The following SPTB variants were observed in gnomAD, a reference collection of about 807,000 sequenced individuals.
SPTB encodes the protein spectrin beta, erythrocytic.
A neutral mutation model predicts 256.2 loss-of-function variants in SPTB; 45 were observed. That is an observed-to-expected ratio of 0.18 (90% CI 0.14 to 0.23). SPTB has a LOEUF of 0.23. Ranked by LOEUF, SPTB falls within the 10% of genes least tolerant of loss-of-function variation. The probability of loss-of-function intolerance (pLI) is 1.00; values close to 1 mark genes in which losing one functional copy is unlikely to be tolerated. For synonymous variants in SPTB, 1,231 were observed against 1,243.1 expected (o/e 0.99, Z 0.21); for missense variants, 2,715 against 3,040.4 (o/e 0.89, Z 2.52).
At position 64,852,389 on chromosome 14, in the gene SPTB, C is replaced by T. The variant is rs907203845; in HGVS notation, c.-52+27403G>A. ...AGGCTGGGGGCCAGACAAGGGGAAC[C>T]TGAGCAGTGGGGAGTCAGTGAAGGG... On this transcript the variant is annotated intron_variant, in intron 1 of 35. Transcript: ENST00000644917. The surrounding 1 kb of genome is among the most constrained non-coding windows in gnomAD (Gnocchi z 4.2). Among the ~76,000 whole-genome samples, 1 of 152,110 alleles carries T rather than the reference C, an allele frequency of 6.6e-6. No homozygotes were observed. The highest frequency in any genetic ancestry group is 2.4e-5 in the African/African-American group (1 of 41,404).
At chr14:64,832,959 C>T (rs1400143446) in intron 1 of SPTB, among the ~76,000 whole-genome samples, 4 of 152,322 alleles carry the variant, frequency 2.6e-5, no homozygotes, top group Non-Finnish European at 5.9e-5. Context: ...AATACAAAGA[C>T]GACATCACTT....
At chr14:64,776,792 G>A (rs1390667685) in intron 22 of SPTB, among the ~76,000 whole-genome samples, 1 of 152,144 alleles carries the variant, frequency 6.6e-6, no homozygotes, top group Non-Finnish European at 1.5e-5. Flanking sequence ...TATCTGTGCA[G>A]GGTACTTACA....
chr14:64,755,162 C>T (rs2082003113), intron 32 of SPTB: 1 of 152,292 alleles, frequency 6.6e-6, no homozygotes, highest in Admixed American at 6.5e-5. Context: ...GGGAAGGAGC[C>T]AGGAGAGAGC....
rs746553902 is a variant in SPTB at position 64,767,316 on chromosome 14, C to T, written c.6256G>A (p.Ala2086Thr). 1.1e-5 allele frequency: 17 copies of T among 1,614,006 alleles called. No homozygotes were observed. The East Asian group carries it at 1.1e-4, about 11-fold the overall frequency. ...LKERQIAERP[A>T]EETGPQEEEG... ...GCCACCACTCACCCAGTCTCCTCTG[C>T]GGGTCTCTCTGCAATCTGGCGTTCT... Residue 2086 changes from alanine to threonine, a missense_variant, in exon 31 of 36, where the codon GCA becomes ACA. By Grantham distance (58) the Ala-to-Thr change is moderately conservative. Transcript: ENST00000644917.
At chr14:64,828,499 C>T (rs2083406476) in intron 1 of SPTB, among the ~76,000 whole-genome samples, 2 of 152,200 alleles carry the variant, frequency 1.3e-5, no homozygotes, top group South Asian at 4.1e-4. Flanking sequence ...AGATGATACT[C>T]ATATACATAT....
intron 1 of SPTB, among the ~76,000 whole-genome samples, chr14:64,862,479 C>G (rs1228365106): frequency 6.6e-6 from 1 of 151,494 alleles, no homozygotes; most frequent in Non-Finnish European, 1.5e-5. Context: ...GCAGTGAGAC[C>G]CCATCTCTGT....
In SPTB at chr14:64,816,994, A is replaced by G. The variant is rs2139680682; in HGVS notation, c.148+5953T>C. Among the ~76,000 whole-genome samples the G allele has an allele frequency of 6.6e-6, 1 of 152,368 alleles. No individual in the cohort carries two copies. The highest frequency in any genetic ancestry group is 1.9e-4 in the East Asian group (1 of 5,188). On this transcript the variant is annotated intron_variant, in intron 2 of 35. Coordinates refer to ENST00000644917, the MANE Select transcript of SPTB (RefSeq NM_001355436.2). This position sits in a 1 kb window ranked among gnomAD's most constrained non-coding sequence, Gnocchi z 4.2. The stretch of plus-strand genomic sequence containing the variant: ...AGACTGCACTGCCCGGGGAGAGAAC[A>G]GAGTCTTATTATTAACCTCAGTGTA...
intron 25 of SPTB, 58 bp from the exon 26 acceptor site, chr14:64,773,012 C>T: frequency 2.1e-5 from 33 of 1,580,806 alleles, no homozygotes; most frequent in Non-Finnish European, 2.7e-5. Flanking sequence ...ACAGGTGTCA[C>T]CAGCTTAGCC....
In SPTB at chr14:64,797,723, T is replaced by G. The variant is rs747998533; in HGVS notation, c.1182+6A>C. ...TGTCAATGCATAACGGAAAATGCTG[T>G]GGTACCCTGTTGATGTCAGACACTA... On this transcript the variant is annotated splice_donor_region_variant and intron_variant, in intron 10 of 35. Coordinates refer to ENST00000644917, the MANE Select transcript of SPTB (RefSeq NM_001355436.2). 3 of 1,594,928 alleles carry G rather than the reference T, an allele frequency of 1.9e-6. No individual in the cohort carries two copies. The African/African-American group carries it at 4.0e-5, about 21-fold the overall frequency.
chr14:64,828,969 T>G lies in SPTB; in HGVS notation c.-51-5824A>C, dbSNP rs574638846. Among the ~76,000 whole-genome samples, 4 of 152,288 alleles carry G rather than the reference T, an allele frequency of 2.6e-5. No homozygotes were observed. The East Asian group carries it at 7.7e-4, about 29-fold the overall frequency. ...AATGTAATAACTGATTCAGAAAAGA[T>G]TTTAAAAACCCATCAGATAATGGGT... is the stretch of plus-strand genomic sequence containing the variant. On this transcript the variant is annotated intron_variant, in intron 1 of 35. Transcript: ENST00000644917.
chr14:64,867,232 G>A (rs1882239850), intron 1 of SPTB, among the ~76,000 whole-genome samples: 1 of 152,058 alleles, frequency 6.6e-6, no homozygotes, highest in Non-Finnish European at 1.5e-5. Flanking sequence ...TCTTCTATAG[G>A]TCATTAATTT....
chr14:64,867,859 CAAAAA>C (rs35825614), intron 1 of SPTB, among the ~76,000 whole-genome samples: 2,446 of 123,186 alleles, frequency 0.02, 17 homozygotes, highest in South Asian at 0.059. Flanking sequence ...GACTCTGTCT[CAAAAA>C]AAAAAAAAAA....
At chr14:64,771,156 T>G in intron 26 of SPTB, 27 bp from the exon 27 acceptor site, 1 of 1,611,836 alleles carries the variant, frequency 6.2e-7, no homozygotes, top group Non-Finnish European at 8.5e-7. Flanking sequence ...TCAGACATTG[T>G]TCCCTGGACA....
chr14:64,794,408 G>A, intron 13 of SPTB, 59 bp downstream of exon 13: 2 of 1,598,384 alleles, frequency 1.3e-6, no homozygotes, highest in Admixed American at 1.7e-5. Context: ...TGGGTTGTTA[G>A]GCCAGAGGTG....
At chr14:64,787,881 G>A (rs2082601733) in intron 15 of SPTB, among the ~76,000 whole-genome samples, 1 of 152,204 alleles carries the variant, frequency 6.6e-6, no homozygotes, top group African/African-American at 2.4e-5. Flanking sequence ...AGACCACTAG[G>A]GACACTGCCC....
chr14:64,824,311 G>A lies in SPTB; in HGVS notation c.-51-1166C>T, dbSNP rs1191672864. Among the ~76,000 whole-genome samples, 1 of 152,142 alleles carries A rather than the reference G, an allele frequency of 6.6e-6. No homozygotes were observed. Among genetic ancestry groups the A allele is most frequent in the Non-Finnish European group, 1.5e-5 (1 of 68,026 alleles). On this transcript the variant is annotated intron_variant, in intron 1 of 35. Coordinates refer to ENST00000644917, the MANE Select transcript of SPTB (RefSeq NM_001355436.2). This position sits in a 1 kb window ranked among gnomAD's most constrained non-coding sequence, Gnocchi z 5.7. ...AGAGTCCAAGCAAAGGGAATAAAGAGTAGGTGTAAAGTCCTGAAGGTAAGA... is the reference window on the plus strand; with the variant it reads ...AGAGTCCAAGCAAAGGGAATAAAGAATAGGTGTAAAGTCCTGAAGGTAAGA...
Position 64,845,603 on chromosome 14 carries a change from C to G in SPTB, c.-51-22458G>C, listed in dbSNP as rs1360251456. On this transcript the variant is annotated intron_variant, in intron 1 of 35. Coordinates refer to ENST00000644917, the MANE Select transcript of SPTB (RefSeq NM_001355436.2). This position sits in a 1 kb window ranked among gnomAD's most constrained non-coding sequence, Gnocchi z 4.8. Reference sequence around the variant, plus strand: ...ACTATAGGACTGTAGAGATGAAAAGCAAAAGGTTGTGACACCAGTATCAGG... The same window carrying G: ...ACTATAGGACTGTAGAGATGAAAAGGAAAAGGTTGTGACACCAGTATCAGG... Among the ~76,000 whole-genome samples the G allele has an allele frequency of 6.6e-6, 1 of 152,162 alleles. No individual in the cohort carries two copies. Among genetic ancestry groups the G allele is most frequent in the African/African-American group, 2.4e-5 (1 of 41,428 alleles).
intron 2 of SPTB, among the ~76,000 whole-genome samples, chr14:64,810,507 C>A (rs2083068093): frequency 6.6e-6 from 1 of 152,126 alleles, no homozygotes; most frequent in African/African-American, 2.4e-5. Flanking sequence ...TGATGAAACG[C>A]CGTCTCTACT....
intron 2 of SPTB, among the ~76,000 whole-genome samples, chr14:64,810,478 G>A (rs1397884192): frequency 2.0e-5 from 3 of 152,172 alleles, no homozygotes; most frequent in African/African-American, 4.8e-5. Flanking sequence ...TCAGGAGTTC[G>A]AGATCAGCCT....
Sources: gnomAD v4.1 joint callset for allele counts (sites outside exome capture counted in the v4.1 genomes callset) on GRCh38, gnomAD v4.1.1 for gene constraint, Gnocchi (gnomAD v3.1) non-coding constraint, MANE v1.5 for transcripts, NCBI Gene and HGNC (gene_info 2026-07-23, HGNC 2026-07-21) for gene names.